Variants in NOS1 observed in about 807,000 individuals in gnomAD.
NOS1 encodes the protein NOS type I.
Under a neutral mutation model 164.5 loss-of-function variants are expected in NOS1, and 51 were observed. That is an observed-to-expected ratio of 0.31 (90% CI 0.25 to 0.39). The LOEUF is 0.39. NOS1 is among the 10% of genes least tolerant of loss of function. The probability of loss-of-function intolerance (pLI) is 1.00; values close to 1 mark genes in which losing one functional copy is unlikely to be tolerated. For missense variants in NOS1, 1,362 were observed against 1,885.6 expected, an observed-to-expected ratio of 0.72 and a Z score of 5.14; for synonymous variants, 719 against 745.8, an observed-to-expected ratio of 0.96 and a Z score of 0.59.
chr12:117,215,293 G>A lies in NOS1; in HGVS notation c.*16C>T, dbSNP rs369818679. The A allele has an allele frequency of 1.9e-6, 3 of 1,556,584 alleles. No individual in the cohort carries two copies. The highest frequency in any genetic ancestry group is 2.8e-5 in the African/African-American group (2 of 72,684). On this transcript the variant is annotated 3_prime_UTR_variant, in exon 29 of 29. Transcript: ENST00000317775. Reference sequence around the variant, plus strand: ...GCGCTTACAAAACTTGCAGCCGGCTGGGCAAGAGGGTCCAGTTAGGAGCTG... The same window carrying A: ...GCGCTTACAAAACTTGCAGCCGGCTAGGCAAGAGGGTCCAGTTAGGAGCTG...
intron 3 of NOS1, among the ~76,000 whole-genome samples, chr12:117,309,074 C>T (rs567453513): frequency 7.9e-5 from 12 of 152,246 alleles, no homozygotes; most frequent in South Asian, 4.1e-4. Flanking sequence ...CTTTCTTTCT[C>T]TTGTGAGGGC....
In NOS1 at chr12:117,209,229, CT is replaced by C; in HGVS notation, c.*6079del. The C allele has an allele frequency of 3.0e-6, 3 of 984,746 alleles. No individual in the cohort carries two copies. The highest frequency in any genetic ancestry group is 3.6e-6 in the Non-Finnish European group (3 of 829,330). The allele number at this position is 984,746 out of a possible 1,614,324, so 61.0% of individuals were successfully genotyped here. On this transcript the variant is annotated 3_prime_UTR_variant, in exon 29 of 29. Transcript: ENST00000317775. ...AAGTCCAAGAGAGGGGTGTTGCCCC[CT>C]GGGGACATTGGGCAATGTCTGATGA... is the stretch of plus-strand genomic sequence containing the variant.
intron 21 of NOS1, 113 bp from the exon 22 acceptor site, chr12:117,232,244 A>G: frequency 1.1e-6 from 1 of 898,322 alleles, no homozygotes; most frequent in South Asian, 1.7e-5. Flanking sequence ...GGGTGGCTCC[A>G]GAGCCAAGCA....
chr12:117,359,936 C>G (rs1481374964), intron 1 of NOS1, among the ~76,000 whole-genome samples: 1 of 61,162 alleles, frequency 1.6e-5, no homozygotes, highest in Non-Finnish European at 3.5e-5. Flanking sequence ...ATATATATAT[C>G]AGCAACACTT....
rs184198708 is a variant in NOS1 at position 117,251,246 on chromosome 12, C to T, written c.2648+2392G>A. ...TCTTGGACTTCCCAGCCACTAGAAC[C>T]GTGAGAAATAAATTTCTGTTGTTTA... On this transcript the variant is annotated intron_variant, in intron 17 of 28. Coordinates refer to ENST00000317775, the MANE Select transcript of NOS1 (RefSeq NM_000620.5). 8.7e-3 allele frequency among the ~76,000 whole-genome samples: 1,331 copies of T among 152,232 alleles called. 13 individuals are homozygous for T. The highest frequency in any genetic ancestry group is 0.014 in the Middle Eastern group (4 of 294).
chr12:117,210,445 C>T lies in NOS1; in HGVS notation c.*4864G>A, dbSNP rs533476741. 1.2e-5 allele frequency: 12 copies of T among 985,422 alleles called. No homozygotes were observed. The highest frequency in any genetic ancestry group is 1.2e-4 in the Admixed American group (2 of 16,258). 61.0% of individuals were successfully genotyped at this position (985,422 alleles called of 1,614,324 possible). On this transcript the variant is annotated 3_prime_UTR_variant, in exon 29 of 29. Coordinates refer to ENST00000317775, the MANE Select transcript of NOS1 (RefSeq NM_000620.5). ...TGATACAGACAGAAGGCTTTGAGGA[C>T]ATGGTGGCCACAGCGGCATGCTGGG...
intron 22 of NOS1, among the ~76,000 whole-genome samples, chr12:117,229,709 C>T (rs956391671): frequency 1.3e-5 from 2 of 152,146 alleles, no homozygotes; most frequent in Non-Finnish European, 2.9e-5. Context: ...CTACCTCAGC[C>T]TCCCGAGTAG....
In NOS1 at chr12:117,288,081, T is replaced by C. The variant is rs1336241434; in HGVS notation, c.1120A>G (p.Ile374Val). ...KEFIDQYYSS[I>V]KRFGSKAHME... Reference sequence around the variant, plus strand: ...GAATTGACACACACTTGCCTTTTAATTGATGAATAGTATTGATCAATAAAC... The same window carrying C: ...GAATTGACACACACTTGCCTTTTAACTGATGAATAGTATTGATCAATAAAC... Residue 374 changes from isoleucine (I) to valine (V), a missense_variant, in exon 5 of 29, where the codon ATT (isoleucine) becomes GTT (valine). Ile to Val is a conservative substitution (Grantham distance 29). Around this residue, in one of 4 missense-constraint regions of NOS1, gnomAD observed 129 missense variants for 186.0 expected, o/e 0.69. Coordinates refer to ENST00000317775, the MANE Select transcript of NOS1 (RefSeq NM_000620.5). 1 of 1,614,006 alleles carries C rather than the reference T, an allele frequency of 6.2e-7. No homozygotes were observed. The highest frequency in any genetic ancestry group is 8.5e-7 in the Non-Finnish European group (1 of 1,179,868).
At chr12:117,287,861 T>C (rs1418590753) in intron 5 of NOS1, among the ~76,000 whole-genome samples, 1 of 152,226 alleles carries the variant, frequency 6.6e-6, no homozygotes, top group Non-Finnish European at 1.5e-5. Context: ...AGGCATGGAA[T>C]TGCTTGAAAT....
intron 17 of NOS1, among the ~76,000 whole-genome samples, chr12:117,249,252 G>A (rs1870899224): frequency 6.6e-6 from 1 of 152,098 alleles, no homozygotes; most frequent in South Asian, 2.1e-4. Context: ...GCTCATCTGT[G>A]GAAGGGCACT....
At chr12:117,217,310 G>A (rs1167560232) in intron 28 of NOS1, among the ~76,000 whole-genome samples, 3 of 152,160 alleles carry the variant, frequency 2.0e-5, no homozygotes, top group African/African-American at 4.8e-5. Flanking sequence ...TTTCCTAAAT[G>A]AGCAGCGTTC....
At chr12:117,309,420 T>C in intron 3 of NOS1, 1 of 983,396 alleles carries the variant, frequency 1.0e-6, no homozygotes, top group Non-Finnish European at 1.2e-6. Flanking sequence ...GCTGAAGCTG[T>C]GTAGAGAACT....
chr12:117,339,145 T>C (rs1875976150), intron 1 of NOS1, among the ~76,000 whole-genome samples: 2 of 152,158 alleles, frequency 1.3e-5, no homozygotes, highest in Non-Finnish European at 2.9e-5. Flanking sequence ...CGGTAAGTCA[T>C]GGCGGCAAAC....
intron 11 of NOS1, 118 bp downstream of exon 11, chr12:117,267,925 A>C (rs2135991288): frequency 1.5e-6 from 1 of 683,128 alleles, no homozygotes; most frequent in East Asian, 2.6e-5. Flanking sequence ...ACTCATGGAC[A>C]CAATCCCCGC....
At position 117,285,231 on chromosome 12, in the gene NOS1, G is replaced by C; in HGVS notation, c.1382+10C>G. 6.2e-7 allele frequency: 1 copy of C among 1,605,764 alleles called. No homozygotes were observed. The highest frequency in any genetic ancestry group is 8.5e-7 in the Non-Finnish European group (1 of 1,173,392). ...CCTCCTGCTCCCCAGTGCCCAGCTG[G>C]TCAGCTCACCTGAGGTTCCCTTTGT... On this transcript the variant is annotated intron_variant, in intron 7 of 28. Coordinates refer to ENST00000317775, the MANE Select transcript of NOS1 (RefSeq NM_000620.5).
intron 3 of NOS1, among the ~76,000 whole-genome samples, chr12:117,304,088 C>A (rs376952308): frequency 6.6e-6 from 1 of 151,994 alleles, no homozygotes; most frequent in African/African-American, 2.4e-5. Context: ...AGGAGAATGG[C>A]GTGAACCTGG....
At chr12:117,353,405 C>T (rs1251058805) in intron 1 of NOS1, among the ~76,000 whole-genome samples, 2 of 152,226 alleles carry the variant, frequency 1.3e-5, no homozygotes, top group Admixed American at 6.5e-5. Flanking sequence ...ATCATGATGT[C>T]TCAGCTCTAA....
chr12:117,327,310 G>A (rs541859709), intron 2 of NOS1, among the ~76,000 whole-genome samples: 8 of 152,328 alleles, frequency 5.3e-5, no homozygotes, highest in African/African-American at 1.9e-4. Flanking sequence ...CAGAGGTGGT[G>A]CTTGGGGGCA....
chr12:117,298,468 AT>A (rs2136038127), intron 3 of NOS1, among the ~76,000 whole-genome samples: 1 of 152,250 alleles, frequency 6.6e-6, no homozygotes, highest in African/African-American at 2.4e-5. Context: ...GGACCCCTGT[AT>A]TATGGGCTGA....
Sources: allele counts gnomAD v4.1 joint callset (sites outside exome capture counted in the v4.1 genomes callset), GRCh38; gene constraint gnomAD v4.1.1; regional missense constraint gnomAD v4.1.1; transcripts MANE v1.5; gene names NCBI Gene and HGNC (gene_info 2026-07-23, HGNC 2026-07-21).